Variants in DOCK11 observed in about 807,000 individuals in gnomAD.
DOCK11 encodes the protein dedicator of cytokinesis 11, also known as dedicator of cytokinesis protein 11.
A neutral mutation model predicts 169.1 loss-of-function variants in DOCK11; 70 were observed. That is an observed-to-expected ratio of 0.41 (90% confidence interval 0.34 to 0.51). DOCK11 has a LOEUF of 0.51. Ranked by LOEUF, DOCK11 falls within the 20% of genes least tolerant of loss-of-function variation. The pLI is 0.10. For synonymous variants in DOCK11, 529 were observed against 541.3 expected (o/e 0.98, Z 0.32); for missense variants, 1,166 against 1,538.8 (o/e 0.76, Z 4.05).
chrX:118,619,496 A>AT (rs1569431958), intron 31 of DOCK11, among the ~76,000 whole-genome samples: 172 of 97,119 alleles, frequency 1.8e-3, no homozygotes, highest in African/African-American at 6.0e-3. Context: ...AAAAAAAAAA[A>AT]AATATATATA....
At chrX:118,652,137 T>TTCC in intron 42 of DOCK11, 60 bp downstream of exon 42, 1 of 733,993 alleles carries the variant, frequency 1.4e-6, no homozygotes, top group Non-Finnish European at 2.1e-6. Flanking sequence ...AAGTTTAAAC[T>TTCC]CTTAAACTGT....
chrX:118,632,447 TATC>T (rs1263522098), intron 35 of DOCK11: 2 of 112,425 alleles, frequency 1.8e-5, no homozygotes, highest in Non-Finnish European at 1.9e-5. Context: ...CACATCTGTT[TATC>T]TTTTATATGT....
chrX:118,553,220 A>C (rs2012563359), intron 6 of DOCK11, among the ~76,000 whole-genome samples: 1 of 111,905 alleles, frequency 8.9e-6, no homozygotes, highest in Admixed American at 9.5e-5. Flanking sequence ...TGCTTTATTC[A>C]ACTTCTTTTC....
chrX:118,601,963 A>AT (rs1033280275), intron 23 of DOCK11, among the ~76,000 whole-genome samples: 3 of 77,724 alleles, frequency 3.9e-5, no homozygotes, highest in East Asian at 3.9e-4. Context: ...TTTTTTTTGT[A>AT]TTTTTTAGTA....
chrX:118,657,345 A>G (rs369184235), intron 44 of DOCK11, among the ~76,000 whole-genome samples: 4 of 112,190 alleles, frequency 3.6e-5, no homozygotes, highest in East Asian at 2.8e-4. Context: ...GTTAAAAAAA[A>G]TGATGTTTAA....
In DOCK11 at chrX:118,578,595, G is replaced by A; in HGVS notation, c.1460G>A (p.Gly487Glu). 8.3e-7 allele frequency: 1 copy of A among 1,207,529 alleles called. No homozygotes were observed. The highest frequency in any genetic ancestry group is 3.0e-5 in the East Asian group (1 of 33,724). The change falls in exon 13 of 53, where the codon GGA becomes GAA. Residue 487 changes from glycine (G) to glutamate (E), a missense_variant. By Grantham distance (98) the Gly-to-Glu change is moderately conservative (BLOSUM62 -2). Coordinates refer to ENST00000276202, the MANE Select transcript of DOCK11 (RefSeq NM_144658.4). Reference protein sequence around the residue: ...LVARIEKVLQGNITHCAEPYI... With the variant: ...LVARIEKVLQENITHCAEPYI... ...GCCAGAATTGAAAAGGTACTACAGGGAAACATTACACACTGTGCAGAACCC... is the reference window on the plus strand; with the variant it reads ...GCCAGAATTGAAAAGGTACTACAGGAAAACATTACACACTGTGCAGAACCC...
At chrX:118,604,039 G>A (rs934786800) in intron 23 of DOCK11, among the ~76,000 whole-genome samples, 3 of 111,767 alleles carry the variant, frequency 2.7e-5, no homozygotes, top group South Asian at 3.7e-4. Flanking sequence ...TTCTTTGTCC[G>A]TGAGGGTCTG....
Position 118,617,709 on chromosome X carries a change from G to A in DOCK11, c.3293-841G>A, listed in dbSNP as rs1368252489. ...ATCCTGGCCAACATGGTGAAACCCC[G>A]TCCCTACTAAAAATACAAAAAGAAT... On this transcript the variant is annotated intron_variant, in intron 30 of 52. Coordinates refer to ENST00000276202, the MANE Select transcript of DOCK11 (RefSeq NM_144658.4). Among the ~76,000 whole-genome samples the A allele has an allele frequency of 3.6e-5, 4 of 109,938 alleles. No homozygotes were observed. In the East Asian group the frequency reaches 1.2e-3, roughly 32 times the overall value.
intron 45 of DOCK11, among the ~76,000 whole-genome samples, chrX:118,665,829 G>A (rs751803714): frequency 3.6e-5 from 4 of 111,978 alleles, no homozygotes; most frequent in African/African-American, 6.5e-5. Context: ...GAGTTAAACC[G>A]GTAATAACGC....
intron 6 of DOCK11, among the ~76,000 whole-genome samples, chrX:118,555,090 A>C (rs913804184): frequency 8.9e-6 from 1 of 112,104 alleles, no homozygotes; most frequent in African/African-American, 3.2e-5. Flanking sequence ...GCTGAAATAC[A>C]TCTGATAAAA....
intron 38 of DOCK11, among the ~76,000 whole-genome samples, chrX:118,639,988 A>G (rs998109059): frequency 9.8e-5 from 11 of 112,356 alleles, no homozygotes; most frequent in African/African-American, 1.9e-4. Flanking sequence ...TTAGACTTCA[A>G]TGCAAATATT....
At chrX:118,600,458 A>G (rs1041870769) in intron 23 of DOCK11, among the ~76,000 whole-genome samples, 10 of 109,675 alleles carry the variant, frequency 9.1e-5, no homozygotes, top group Non-Finnish European at 1.7e-4. Context: ...TCTGCCGGAT[A>G]GTAATCGTTC....
In DOCK11 at chrX:118,662,716, A is replaced by G. The variant is rs748764648; in HGVS notation, c.5000A>G (p.Lys1667Arg). Residue 1667 changes from lysine (K) to arginine (R), a missense_variant, in exon 45 of 53, where the codon AAG (lysine) becomes AGG (arginine). Coordinates refer to ENST00000276202, the MANE Select transcript of DOCK11 (RefSeq NM_144658.4). ...KLFPNGCSAF[K>R]KITPNIDEEG... is the part of the protein sequence containing the mutation. ...TTTCCTAACGGATGTTCAGCGTTCA[A>G]GAAAATTACTCCCAATATAGATGAA... 1.1e-5 allele frequency: 13 copies of G among 1,197,956 alleles called. No homozygotes were observed. The South Asian group carries it at 1.4e-4, about 13-fold the overall frequency.
chrX:118,627,417 C>G, intron 32 of DOCK11, 87 bp from the exon 33 acceptor site: 3 of 689,140 alleles, frequency 4.4e-6, no homozygotes, highest in East Asian at 6.7e-5. Context: ...TGTTTAAAAT[C>G]AATGTAACAT....
chrX:118,613,612 G>T (rs1354355876), intron 28 of DOCK11, among the ~76,000 whole-genome samples: 2 of 112,603 alleles, frequency 1.8e-5, no homozygotes, highest in African/African-American at 6.5e-5. Context: ...AGTAGCGAAA[G>T]AATTGCTAGG....
At chrX:118,508,856 G>A (rs1287871053) in intron 1 of DOCK11, among the ~76,000 whole-genome samples, 1 of 111,883 alleles carries the variant, frequency 8.9e-6, no homozygotes, top group Admixed American at 9.5e-5. Context: ...ATTCCATAAG[G>A]CTTCTCGCTT....
At chrX:118,625,408 C>T (rs1035047469) in intron 32 of DOCK11, among the ~76,000 whole-genome samples, 2 of 110,931 alleles carry the variant, frequency 1.8e-5, no homozygotes, top group Admixed American at 9.6e-5. Context: ...CTACCCACCA[C>T]GGCCCCCAAA....
At chrX:118,584,169 C>T (rs940585480) in intron 14 of DOCK11, among the ~76,000 whole-genome samples, 2 of 112,220 alleles carry the variant, frequency 1.8e-5, no homozygotes, top group Non-Finnish European at 1.9e-5. Flanking sequence ...TGGAACATGT[C>T]TATTACCCCA....
In DOCK11 at chrX:118,681,805, T is replaced by C. The variant is rs1287619676; in HGVS notation, c.5963+11T>C. 2 of 1,168,563 alleles carry C rather than the reference T, an allele frequency of 1.7e-6. No homozygotes were observed. The highest frequency in any genetic ancestry group is 3.6e-5 in the African/African-American group (2 of 55,909). On this transcript the variant is annotated intron_variant, in intron 51 of 52. Transcript: ENST00000276202. The stretch of plus-strand genomic sequence containing the variant: ...GAAAGACATGTTTAGGTAAGTGTTT[T>C]ATAGTTTTCAGGTTAGACCCGTGTT...
Sources: allele counts gnomAD v4.1 joint callset (sites outside exome capture counted in the v4.1 genomes callset), GRCh38; gene constraint gnomAD v4.1.1; transcripts MANE v1.5; gene names NCBI Gene and HGNC (gene_info 2026-07-23, HGNC 2026-07-21).